PLPPR5: variants seen among roughly 807,000 people sequenced by gnomAD.
PLPPR5 encodes phospholipid phosphatase-related protein type 5.
PLPPR5 carries 16 observed loss-of-function variants against 33.9 expected under a neutral mutation model. That is an observed-to-expected ratio of 0.47 (90% CI 0.32 to 0.72). PLPPR5 has a LOEUF of 0.72. PLPPR5 is among the 30% of genes least tolerant of loss of function. PLPPR5 has a pLI of 0.03. For missense variants in PLPPR5, 301 were observed against 406.7 expected (o/e 0.74, Z 2.23); for synonymous variants, 163 against 150.3 (o/e 1.08, Z -0.62).
intron 3 of PLPPR5, among the ~76,000 whole-genome samples, chr1:98,922,375 C>T (rs1209088189): frequency 6.6e-6 from 1 of 152,048 alleles, no homozygotes; most frequent in Non-Finnish European, 1.5e-5. Flanking sequence ...TTACTGTATC[C>T]ATTCTTGTTT....
chr1:98,978,772 A>G lies in PLPPR5; in HGVS notation c.238-22031T>C, dbSNP rs192995511. Among the ~76,000 whole-genome samples, 231 of 152,212 alleles carry G rather than the reference A, an allele frequency of 1.5e-3. 3 individuals are homozygous for G. Among genetic ancestry groups the G allele is most frequent in the South Asian group, 3.1e-3 (15 of 4,828 alleles). ...GTTCAAAAGCATTAGCTTCTATACA[A>G]TGAACACATATCATAAGGAAACTGA... On this transcript the variant is annotated intron_variant, in intron 1 of 5. Transcript: ENST00000263177.
intron 3 of PLPPR5, among the ~76,000 whole-genome samples, chr1:98,947,935 A>G (rs1306530355): frequency 1.3e-5 from 2 of 152,220 alleles, no homozygotes; most frequent in Non-Finnish European, 2.9e-5. Context: ...GGGACCTTAT[A>G]CGTTTCAGCA....
In PLPPR5 at chr1:98,900,712, T is replaced by G. The variant is rs114071745; in HGVS notation, c.934-7608A>C. 2.0e-5 allele frequency among the ~76,000 whole-genome samples: 3 copies of G among 152,256 alleles called. No homozygotes were observed. In the South Asian group the frequency reaches 6.2e-4, roughly 32 times the overall value. On this transcript the variant is annotated intron_variant, in intron 5 of 5. Transcript: ENST00000263177. ...TACTAAATAAGCAACCTAACACTACTTGACAGAGAAGAATCGGAGGATGTG... is the reference window on the plus strand; with the variant it reads ...TACTAAATAAGCAACCTAACACTACGTGACAGAGAAGAATCGGAGGATGTG...
At chr1:98,957,170 A>G (rs1018003238) in intron 1 of PLPPR5, among the ~76,000 whole-genome samples, 2 of 122,694 alleles carry the variant, frequency 1.6e-5, no homozygotes, top group Non-Finnish European at 3.3e-5. Flanking sequence ...GGAACATCAC[A>G]CTCTGGGGAC....
intron 1 of PLPPR5, among the ~76,000 whole-genome samples, chr1:99,003,628 T>C (rs1277330068): frequency 6.6e-6 from 1 of 152,234 alleles, no homozygotes. Flanking sequence ...TAATTTCATA[T>C]GTATATATGT....
At chr1:98,936,229 C>T (rs1239726868) in intron 3 of PLPPR5, among the ~76,000 whole-genome samples, 1 of 152,142 alleles carries the variant, frequency 6.6e-6, no homozygotes, top group Non-Finnish European at 1.5e-5. Context: ...AATAGAAGGA[C>T]ATTACTTATT....
intron 3 of PLPPR5, among the ~76,000 whole-genome samples, chr1:98,947,831 G>T (rs1650613505): frequency 6.6e-6 from 1 of 152,196 alleles, no homozygotes; most frequent in Admixed American, 6.5e-5. Flanking sequence ...TAATAGTATA[G>T]CAGTCACAGT....
chr1:98,933,562 A>G (rs777085462), intron 3 of PLPPR5, among the ~76,000 whole-genome samples: 5 of 152,116 alleles, frequency 3.3e-5, no homozygotes, highest in Admixed American at 6.6e-5. Flanking sequence ...CAGATGAGAT[A>G]ATGACACTAA....
At chr1:98,919,365 T>TAA (rs1234030630) in intron 4 of PLPPR5, among the ~76,000 whole-genome samples, 1 of 152,210 alleles carries the variant, frequency 6.6e-6, no homozygotes, top group Admixed American at 6.5e-5. Context: ...TGGGTTCCTT[T>TAA]AACTGAGACA....
intron 2 of PLPPR5, 103 bp from the exon 3 acceptor site, chr1:98,953,423 G>A: frequency 1.4e-6 from 2 of 1,442,700 alleles, no homozygotes; most frequent in Non-Finnish European, 1.8e-6. Flanking sequence ...AACCAAAATG[G>A]AAATATTTTA....
chr1:98,958,118 T>G (rs1481655793), intron 1 of PLPPR5, among the ~76,000 whole-genome samples: 1 of 152,262 alleles, frequency 6.6e-6, no homozygotes, highest in Non-Finnish European at 1.5e-5. Context: ...GCTAACAGTG[T>G]GTCTACTAAT....
chr1:98,970,686 A>G (rs1290234839), intron 1 of PLPPR5, among the ~76,000 whole-genome samples: 1 of 151,884 alleles, frequency 6.6e-6, no homozygotes, highest in African/African-American at 2.4e-5. Flanking sequence ...CTCATTTTAC[A>G]GGTAAGGAAA....
intron 1 of PLPPR5, chr1:98,991,273 C>T (rs1652441966): frequency 6.8e-6 from 1 of 148,092 alleles, no homozygotes. Flanking sequence ...TGTGTTTTGC[C>T]TATTTGAAAA....
chr1:99,005,209 C>G (rs907788712), upstream of PLPPR5, among the ~76,000 whole-genome samples: 1 of 152,164 alleles, frequency 6.6e-6, no homozygotes, highest in African/African-American at 2.4e-5. Flanking sequence ...CTTCCAGAAA[C>G]TCTTCCGAGG....
chr1:98,966,154 G>A (rs950215477), intron 1 of PLPPR5, among the ~76,000 whole-genome samples: 7 of 152,030 alleles, frequency 4.6e-5, no homozygotes, highest in Non-Finnish European at 7.4e-5. Context: ...AACAATGTAG[G>A]CTTTTTTGTA....
rs560071398 is a variant in PLPPR5 at position 98,952,991 on chromosome 1, G to A, written c.621+79C>T. The A allele has an allele frequency of 2.5e-4, 384 of 1,523,264 alleles. 1 individual carries two copies. In the African/African-American group the frequency reaches 4.6e-3, roughly 18 times the overall value. The allele number at this position is 1,523,264 out of a possible 1,614,324, so 94.4% of individuals were successfully genotyped here. On this transcript the variant is annotated intron_variant, in intron 3 of 5. Coordinates refer to ENST00000263177, the MANE Select transcript of PLPPR5 (RefSeq NM_001037317.2). ...ATGTGCTTTAAGTGACTTTCATTAT[G>A]GCAGAGAAAAAGAATTTCTACATTG...
intron 2 of PLPPR5, among the ~76,000 whole-genome samples, chr1:98,953,613 G>C (rs1386049739): frequency 1.3e-5 from 2 of 152,010 alleles, no homozygotes; most frequent in Admixed American, 6.6e-5. Flanking sequence ...TCAGACTCCG[G>C]GTAATGCAAT....
At chr1:98,965,844 C>T (rs1434551982) in intron 1 of PLPPR5, among the ~76,000 whole-genome samples, 1 of 152,100 alleles carries the variant, frequency 6.6e-6, no homozygotes, top group East Asian at 1.9e-4. Context: ...TACAAGAAAA[C>T]CATTTCAGAT....
chr1:98,936,403 G>C (rs1650170588), intron 3 of PLPPR5, among the ~76,000 whole-genome samples: 1 of 152,178 alleles, frequency 6.6e-6, no homozygotes, highest in Non-Finnish European at 1.5e-5. Flanking sequence ...GACTCAGCTA[G>C]AGACAAGGAG....
Sources: allele counts gnomAD v4.1 joint callset (sites outside exome capture counted in the v4.1 genomes callset), GRCh38; gene constraint gnomAD v4.1.1; transcripts MANE v1.5; gene names NCBI Gene and HGNC (gene_info 2026-07-23, HGNC 2026-07-21).